Variants in MTR observed in about 807,000 individuals in gnomAD.
The protein encoded by MTR is 5-methyltetrahydrofolate-homocysteine methyltransferase.
A neutral mutation model predicts 154.8 loss-of-function variants in MTR; 84 were observed. That is an observed-to-expected ratio of 0.54 (90% CI 0.45 to 0.65). The LOEUF is 0.65. Ranked by LOEUF, MTR falls within the 30% of genes least tolerant of loss-of-function variation. The pLI, the probability that MTR is intolerant of heterozygous loss-of-function variation, is 0.00. For missense variants in MTR, 1,275 were observed against 1,570.2 expected (o/e 0.81, Z 3.18); for synonymous variants, 554 against 553.9 (o/e 1.00, Z 0.00).
Position 236,835,862 on chromosome 1 carries a change from G to T in MTR, c.1329+175G>T, listed in dbSNP as rs73129141. ...TTCTCAGATACTGATAACCTTTCCAGATAAAGCAGATCTTGGAGACAGCTG... is the reference window on the plus strand; with the variant it reads ...TTCTCAGATACTGATAACCTTTCCATATAAAGCAGATCTTGGAGACAGCTG... On this transcript the variant is annotated intron_variant, in intron 14 of 32. Coordinates refer to ENST00000366577, the MANE Select transcript of MTR (RefSeq NM_000254.3). Among the ~76,000 whole-genome samples, 11,306 of 152,106 alleles carry T rather than the reference G, an allele frequency of 0.074. 848 individuals carry two copies. Among genetic ancestry groups the T allele is most frequent in the African/African-American group, 0.19 (7,964 of 41,442 alleles).
Position 236,880,850 on chromosome 1 carries a change from C to G in MTR, c.2676+14C>G, listed in dbSNP as rs1157860825. 11 of 1,609,402 alleles carry G rather than the reference C, an allele frequency of 6.8e-6. No homozygotes were observed. Among genetic ancestry groups the G allele is most frequent in the Non-Finnish European group, 9.4e-6 (11 of 1,175,888 alleles). On this transcript the variant is annotated intron_variant, in intron 25 of 32. Coordinates refer to ENST00000366577, the MANE Select transcript of MTR (RefSeq NM_000254.3). Reference sequence around the variant, plus strand: ...AGTGTGGTGGTGGTAAGTGGGTGACCTTACATTTTATTCCAGATGTGTTGG... The same window carrying G: ...AGTGTGGTGGTGGTAAGTGGGTGACGTTACATTTTATTCCAGATGTGTTGG...
At chr1:236,807,492 T>C (rs1215218373) in intron 3 of MTR, among the ~76,000 whole-genome samples, 1 of 152,128 alleles carries the variant, frequency 6.6e-6, no homozygotes, top group Non-Finnish European at 1.5e-5. Flanking sequence ...CATTTTACAT[T>C]CCCACTAACA....
chr1:236,849,395 CGAA>C (rs1171647333), intron 15 of MTR, among the ~76,000 whole-genome samples: 2 of 151,978 alleles, frequency 1.3e-5, no homozygotes, highest in Admixed American at 1.3e-4. Context: ...AGAAATACTC[CGAA>C]GAAGAATGGA....
At chr1:236,872,774 G>A (rs768133023) in intron 22 of MTR, among the ~76,000 whole-genome samples, 4 of 152,150 alleles carry the variant, frequency 2.6e-5, no homozygotes, top group Admixed American at 6.5e-5. Flanking sequence ...AGGAAGCCGA[G>A]GTGGGAGGAT....
intron 8 of MTR, among the ~76,000 whole-genome samples, chr1:236,816,942 T>C (rs540488889): frequency 6.6e-6 from 1 of 152,114 alleles, no homozygotes; most frequent in Non-Finnish European, 1.5e-5. Flanking sequence ...GGCATGGTGG[T>C]GTGGGCCTGT....
chr1:236,841,335 T>G (rs77591492), intron 15 of MTR, among the ~76,000 whole-genome samples: 2,236 of 152,352 alleles, frequency 0.015, 57 homozygotes, highest in African/African-American at 0.052. Flanking sequence ...CTGTGATTGC[T>G]TATCCTTTCT....
chr1:236,796,703 G>C (rs12407420), intron 1 of MTR, among the ~76,000 whole-genome samples: 32,869 of 151,116 alleles, frequency 0.22, 3,723 homozygotes, highest in South Asian at 0.31. Context: ...TATTAAATAA[G>C]ATATAAACCT....
intron 18 of MTR, 100 bp downstream of exon 18, chr1:236,853,188 C>T (rs191811530): frequency 1.7e-5 from 22 of 1,329,554 alleles, no homozygotes; most frequent in African/African-American, 4.3e-5. Context: ...AAGCAAATAT[C>T]GAATCATATA....
rs1327327915 is a variant in MTR at position 236,885,190 on chromosome 1, A to G, written c.2746A>G (p.Ile916Val). ...GGAAATCATGGAAGAATATGAAGAT[A>G]TTAGACAGGACCATTATGAGTCTCT... ...FEEIMEEYED[I>V]RQDHYESLKE... Residue 916 changes from isoleucine to valine, a missense_variant, in exon 26 of 33, where the codon ATT (isoleucine) becomes GTT (valine). Ile to Val is a conservative substitution (Grantham distance 29). Coordinates refer to ENST00000366577, the MANE Select transcript of MTR (RefSeq NM_000254.3). The G allele has an allele frequency of 6.2e-7, 1 of 1,604,896 alleles. No individual in the cohort carries two copies. The highest frequency in any genetic ancestry group is 1.1e-5 in the South Asian group (1 of 90,840).
At chr1:236,832,459 G>A (rs779872507) in intron 13 of MTR, among the ~76,000 whole-genome samples, 24 of 152,138 alleles carry the variant, frequency 1.6e-4, no homozygotes, top group African/African-American at 3.4e-4. Context: ...CCTTATGATC[G>A]CATCAAACGC....
chr1:236,852,895 C>T (rs926710420), intron 17 of MTR, 53 bp from the exon 18 acceptor site: 15 of 1,603,352 alleles, frequency 9.4e-6, no homozygotes, highest in African/African-American at 1.3e-5. Flanking sequence ...GTTTGCTGAT[C>T]GCTGACTTAA....
At chr1:236,862,435 G>A in intron 21 of MTR, 92 bp downstream of exon 21, 2 of 1,009,368 alleles carry the variant, frequency 2.0e-6, no homozygotes, top group Non-Finnish European at 1.6e-6. Flanking sequence ...AGGGTTGGCT[G>A]TGTTCGTTAT....
rs1176062955 is a variant in MTR at position 236,886,311 on chromosome 1, TAAGTC to T, written c.2799_2803del (p.Ala935LysfsTer11). 18 of 1,614,152 alleles carry T rather than the reference TAAGTC, an allele frequency of 1.1e-5. No individual in the cohort carries two copies. The highest frequency in any genetic ancestry group is 1.5e-5 in the Non-Finnish European group (18 of 1,180,010). ...TAACAGGAGAGGAGATACTTACCCT[TAAGTC>T]AAGCCAGAAAAAGTGGTTTCCAAAT... On this transcript the variant is annotated frameshift_variant, in exon 27 of 33. Coordinates refer to ENST00000366577, the MANE Select transcript of MTR (RefSeq NM_000254.3). LOFTEE classifies it high-confidence loss of function.
chr1:236,808,924 C>T (rs780772285), intron 4 of MTR, 151 bp downstream of exon 4: 3 of 752,158 alleles, frequency 4.0e-6, no homozygotes, highest in East Asian at 2.7e-5. Flanking sequence ...TAGATTACTT[C>T]TCTGCAGTTT....
At chr1:236,894,257 T>G in intron 29 of MTR, 100 bp from the exon 30 acceptor site, 2 of 1,152,932 alleles carry the variant, frequency 1.7e-6, no homozygotes, top group Non-Finnish European at 2.6e-6. Flanking sequence ...GTTGTGAAGC[T>G]TATTCTCATT....
chr1:236,892,687 C>T (rs1666397277), intron 29 of MTR, among the ~76,000 whole-genome samples: 1 of 152,114 alleles, frequency 6.6e-6, no homozygotes. Flanking sequence ...CGCCCAGGCT[C>T]GGACGCCACA....
chr1:236,891,296 G>A lies in MTR; in HGVS notation c.3171G>A (p.Glu1057=). Residue 1057 remains glutamate (E), a synonymous_variant, in exon 29 of 33, where the codon GAG becomes GAA. Coordinates refer to ENST00000366577, the MANE Select transcript of MTR (RefSeq NM_000254.3). ...AGGCTGCTGTGCCCCAGGCTGCAGA[G>A]CCCATAGCCACCTTCTATGGGTTAA... ...YAEAAVPQAA[E]PIATFYGLRQ... 8 of 1,614,152 alleles carry A rather than the reference G, an allele frequency of 5.0e-6. No homozygotes were observed. The highest frequency in any genetic ancestry group is 6.8e-6 in the Non-Finnish European group (8 of 1,180,034).
At chr1:236,801,797 A>G (rs552952238) in intron 1 of MTR, among the ~76,000 whole-genome samples, 2 of 152,282 alleles carry the variant, frequency 1.3e-5, no homozygotes, top group Admixed American at 6.5e-5. Flanking sequence ...CTGATATGCT[A>G]TAGGGAGTTG....
At chr1:236,799,441 G>T (rs1660584277) in intron 1 of MTR, among the ~76,000 whole-genome samples, 1 of 152,104 alleles carries the variant, frequency 6.6e-6, no homozygotes, top group South Asian at 2.1e-4. Flanking sequence ...GGATTTTTAA[G>T]GGCCTCAGTT....
Sources: gnomAD v4.1 joint callset for allele counts (sites outside exome capture counted in the v4.1 genomes callset) on GRCh38, gnomAD v4.1.1 for gene constraint, MANE v1.5 for transcripts, NCBI Gene and HGNC (gene_info 2026-07-23, HGNC 2026-07-21) for gene names.